VASH1: variants seen among roughly 807,000 people sequenced by gnomAD.
VASH1 encodes vasohibin 1.
In VASH1, 16 loss-of-function variants were observed where a neutral mutation model predicts 35.0. That is an observed-to-expected ratio of 0.46 (90% CI 0.31 to 0.70). VASH1 has a LOEUF of 0.70. VASH1 is among the 30% of genes least tolerant of loss of function. VASH1 has a pLI of 0.05. For missense variants in VASH1, 505 were observed against 510.7 expected, an observed-to-expected ratio of 0.99 and a Z score of 0.11; for synonymous variants, 214 against 200.9, an observed-to-expected ratio of 1.07 and a Z score of -0.55.
In VASH1 at chr14:76,781,551, G is replaced by A. The variant is rs1293716722; in HGVS notation, c.*2533G>A. The stretch of plus-strand genomic sequence containing the variant: ...TGAGAGGGAGCCGCTCCTGGTTCTG[G>A]AGTCTTAGGAGGTTCCAACTTGCAG... On this transcript the variant is annotated 3_prime_UTR_variant, in exon 7 of 7. Coordinates refer to ENST00000167106, the MANE Select transcript of VASH1 (RefSeq NM_014909.5). 6.6e-6 allele frequency: 1 copy of A among 152,106 alleles called. No homozygotes were observed. Among genetic ancestry groups the A allele is most frequent in the East Asian group, 1.9e-4 (1 of 5,188 alleles). 9.4% of individuals were successfully genotyped at this position (152,106 alleles called of 1,614,324 possible).
Position 76,762,650 on chromosome 14 carries a change from T to G in VASH1, c.-172T>G. 1 of 518,490 alleles carries G rather than the reference T, an allele frequency of 1.9e-6. No individual in the cohort carries two copies. The highest frequency in any genetic ancestry group is 3.2e-6 in the Non-Finnish European group (1 of 311,934). 32.1% of individuals were successfully genotyped at this position (518,490 alleles called of 1,614,324 possible). A position where few individuals can be genotyped will look rare whatever the true frequency, so the allele number is the denominator to read the frequency against. ...CACCCCCTCGGACCCTAATTCACCT[T>G]ATTGCACTGATTTTTTTTATCAAGT... On this transcript the variant is annotated 5_prime_UTR_variant, in exon 1 of 7. Coordinates refer to ENST00000167106, the MANE Select transcript of VASH1 (RefSeq NM_014909.5).
intron 3 of VASH1, 104 bp from the exon 4 acceptor site, chr14:76,773,033 C>A: frequency 8.9e-7 from 1 of 1,126,854 alleles, no homozygotes; most frequent in Non-Finnish European, 1.3e-6. Flanking sequence ...AGGGGGCAGC[C>A]TCTGTCCTTC....
chr14:76,770,564 G>A (rs1027918745), intron 2 of VASH1, among the ~76,000 whole-genome samples: 2 of 152,084 alleles, frequency 1.3e-5, no homozygotes, highest in Admixed American at 6.5e-5. Flanking sequence ...TGGTTGGCCA[G>A]CAGGGGAAGA....
chr14:76,771,138 A>C, intron 2 of VASH1, 52 bp from the exon 3 acceptor site: 2 of 1,472,504 alleles, frequency 1.4e-6, no homozygotes, highest in Non-Finnish European at 1.8e-6. Context: ...GCAGGAAGAG[A>C]GGGTCAACCT....
chr14:76,761,476 T>G lies in VASH1; in HGVS notation c.-1346T>G, dbSNP rs112784149. ...CGGAGCGCATGCGCGGCGCGGGCCG[T>G]AGTCGAGCCTGGTGGGCGGCTGGCT... On this transcript the variant is annotated 5_prime_UTR_variant, in exon 1 of 7. Transcript: ENST00000167106. 74,004 of 152,604 alleles carry G rather than the reference T, an allele frequency of 0.48. 18,488 individuals carry two copies. The highest frequency in any genetic ancestry group is 0.7 in the East Asian group (3,625 of 5,158). The allele number at this position is 152,604 out of a possible 1,614,324, so 9.5% of individuals were successfully genotyped here.
Position 76,762,938 on chromosome 14 carries a change from C to G in VASH1, c.117C>G (p.Ala39=). 1 of 1,570,818 alleles carries G rather than the reference C, an allele frequency of 6.4e-7. No individual in the cohort carries two copies. Among genetic ancestry groups the G allele is most frequent in the Non-Finnish European group, 8.6e-7 (1 of 1,158,684 alleles). The change falls in exon 1 of 7, where the codon GCC becomes GCG. Residue 39 remains alanine (A), a synonymous_variant. Coordinates refer to ENST00000167106, the MANE Select transcript of VASH1 (RefSeq NM_014909.5). ...TGGAGACCAGCGAAGGAACCTCAGC[C>G]CAGAGAGATGAGGAGCCAGAAGAGG... ...RRLETSEGTS[A]QRDEEPEEEG... is the part of the protein sequence containing the mutation.
intron 1 of VASH1, chr14:76,769,261 T>C: frequency 7.8e-7 from 1 of 1,275,232 alleles, no homozygotes; most frequent in South Asian, 1.3e-5. Context: ...GAAGACTGTC[T>C]GGGTACCTGG....
Position 76,762,960 on chromosome 14 carries a change from G to T in VASH1, c.139G>T (p.Glu47Ter). 6.4e-7 allele frequency: 1 copy of T among 1,560,164 alleles called. No individual in the cohort carries two copies. The highest frequency in any genetic ancestry group is 8.7e-7 in the Non-Finnish European group (1 of 1,152,248). The change falls in exon 1 of 7, where the codon GAG becomes TAG. Residue 47 changes from glutamate to a stop codon, truncating the protein, a stop_gained. Transcript: ENST00000167106. LOFTEE classifies it high-confidence loss of function. ...AGCCCAGAGAGATGAGGAGCCAGAA[G>T]AGGAAGGGGAAGAGGACCTGCGAGA... ...TSAQRDEEPE[E>*]EGEEDLRDGG...
In VASH1 at chr14:76,764,116, C is replaced by T. The variant is rs140403178; in HGVS notation, c.309+986C>T. 2.3e-3 allele frequency among the ~76,000 whole-genome samples: 346 copies of T among 152,122 alleles called. 1 individual carries two copies. The highest frequency in any genetic ancestry group is 3.6e-3 in the Admixed American group (55 of 15,274). On this transcript the variant is annotated intron_variant, in intron 1 of 6. Coordinates refer to ENST00000167106, the MANE Select transcript of VASH1 (RefSeq NM_014909.5). ...CTGAGTTCAGAGCCCAGTGCTTAGCCCTGCCTGCCCAGGTTGGAAGGAAGG... is the reference window on the plus strand; with the variant it reads ...CTGAGTTCAGAGCCCAGTGCTTAGCTCTGCCTGCCCAGGTTGGAAGGAAGG...
At chr14:76,764,394 A>T (rs910610643) in intron 1 of VASH1, among the ~76,000 whole-genome samples, 1 of 152,362 alleles carries the variant, frequency 6.6e-6, no homozygotes, top group East Asian at 1.9e-4. Context: ...TGTTGTTTCC[A>T]GTTTTATTCC....
chr14:76,782,710 T>C lies in VASH1; in HGVS notation c.*3692T>C, dbSNP rs546229758. 4 of 152,702 alleles carry C rather than the reference T, an allele frequency of 2.6e-5. No individual in the cohort carries two copies. The East Asian group carries it at 7.7e-4, about 30-fold the overall frequency. 9.5% of individuals were successfully genotyped at this position (152,702 alleles called of 1,614,324 possible). On this transcript the variant is annotated 3_prime_UTR_variant, in exon 7 of 7. Transcript: ENST00000167106. ...GGGCTGCCATGGTGCTAGCTGCAAG[T>C]CCATCAGTATTGACCGTCTCGCTCC...
chr14:76,763,266 A>G, intron 1 of VASH1, 136 bp downstream of exon 1: 1 of 931,824 alleles, frequency 1.1e-6, no homozygotes. Context: ...CAGTGATATC[A>G]TACCTGTCTA....
chr14:76,771,889 T>C (rs1893803743), intron 3 of VASH1, among the ~76,000 whole-genome samples: 1 of 152,236 alleles, frequency 6.6e-6, no homozygotes, highest in Non-Finnish European at 1.5e-5. Context: ...ATGCCACAGC[T>C]GGGTCTAGGG....
Position 76,779,515 on chromosome 14 carries a change from G to T in VASH1, c.*497G>T, listed in dbSNP as rs1307507806. On this transcript the variant is annotated 3_prime_UTR_variant, in exon 7 of 7. Transcript: ENST00000167106. ...CCTGCCCTGGCAGAATCTTGACCCAGGGAAAGGGAAGCAGGGTAGGAGTCC... is the reference window on the plus strand; with the variant it reads ...CCTGCCCTGGCAGAATCTTGACCCATGGAAAGGGAAGCAGGGTAGGAGTCC... The T allele has an allele frequency of 1.4e-6, 1 of 701,446 alleles. No homozygotes were observed. Among genetic ancestry groups the T allele is most frequent in the African/African-American group, 1.7e-5 (1 of 57,232 alleles). 43.5% of individuals were successfully genotyped at this position (701,446 alleles called of 1,614,324 possible). A position where few individuals can be genotyped will look rare whatever the true frequency, so the allele number is the denominator to read the frequency against.
At chr14:76,770,174 C>T (rs1018005056) in intron 2 of VASH1, 123 bp downstream of exon 2, 18 of 878,118 alleles carry the variant, frequency 2.0e-5, no homozygotes, top group Non-Finnish European at 2.6e-5. Context: ...CCACCATTCA[C>T]GTGACATCTC....
At chr14:76,775,625 C>T (rs1202390202) in intron 4 of VASH1, among the ~76,000 whole-genome samples, 1 of 152,182 alleles carries the variant, frequency 6.6e-6, no homozygotes, top group Non-Finnish European at 1.5e-5. Flanking sequence ...GGCACCAGCC[C>T]TGCTGGACTT....
intron 1 of VASH1, among the ~76,000 whole-genome samples, chr14:76,768,367 C>CA (rs748684925): frequency 6.6e-6 from 1 of 152,166 alleles, no homozygotes. Flanking sequence ...TCCCTCCAGA[C>CA]AGAGACGTCA....
intron 1 of VASH1, among the ~76,000 whole-genome samples, chr14:76,768,458 G>A (rs1267332236): frequency 6.6e-6 from 1 of 152,136 alleles, no homozygotes; most frequent in Non-Finnish European, 1.5e-5. Context: ...GAGGGAGGGT[G>A]AGGAAGTGCA....
chr14:76,773,783 T>G (rs563566575), intron 4 of VASH1: 1 of 153,986 alleles, frequency 6.5e-6, no homozygotes, highest in East Asian at 1.9e-4. Context: ...AGCCCCACAG[T>G]CAACAGCGGG....
Sources: allele counts gnomAD v4.1 joint callset (sites outside exome capture counted in the v4.1 genomes callset), GRCh38; gene constraint gnomAD v4.1.1; transcripts MANE v1.5; gene names NCBI Gene and HGNC (gene_info 2026-07-23, HGNC 2026-07-21).